The following CTNND2 variants were observed in gnomAD, a reference collection of about 807,000 sequenced individuals.
The protein encoded by CTNND2 is catenin delta-2.
A neutral mutation model predicts 144.4 loss-of-function variants in CTNND2; 22 were observed. That is an observed-to-expected ratio of 0.15 (90% confidence interval 0.11 to 0.22). The LOEUF (loss-of-function observed/expected upper bound fraction) is 0.22. Ranked by LOEUF, CTNND2 falls within the 10% of genes least tolerant of loss-of-function variation. The pLI is 1.00. For missense variants in CTNND2, 1,353 were observed against 1,618.8 expected (o/e 0.84, Z 2.82); for synonymous variants, 751 against 695.6 (o/e 1.08, Z -1.25).
chr5:10,995,521 G>C (rs550922462), intron 18 of CTNND2, among the ~76,000 whole-genome samples: 42 of 152,228 alleles, frequency 2.8e-4, no homozygotes, highest in South Asian at 6.2e-4. Context: ...AAGATAATGA[G>C]AATTGGTGAA....
At chr5:11,633,025 G>T (rs1458864136) in intron 2 of CTNND2, among the ~76,000 whole-genome samples, 1 of 152,142 alleles carries the variant, frequency 6.6e-6, no homozygotes, top group African/African-American at 2.4e-5. Context: ...ACACTAACAC[G>T]CATGTAATGG....
At chr5:11,147,438 G>A (rs1192098760) in intron 12 of CTNND2, among the ~76,000 whole-genome samples, 6 of 152,244 alleles carry the variant, frequency 3.9e-5, no homozygotes, top group African/African-American at 9.6e-5. Flanking sequence ...ATAGAACAAC[G>A]GAAAAGAGGC....
intron 1 of CTNND2, among the ~76,000 whole-genome samples, chr5:11,872,916 T>TACCATTCAGG (rs751519485): frequency 1.3e-5 from 2 of 152,120 alleles, no homozygotes; most frequent in Admixed American, 6.6e-5. Flanking sequence ...ACCTAGGCAA[T>TACCATTCAGG]ACCATTCAGG....
At chr5:11,591,316 C>A (rs185233596) in intron 2 of CTNND2, among the ~76,000 whole-genome samples, 5 of 152,268 alleles carry the variant, frequency 3.3e-5, no homozygotes, top group Admixed American at 3.3e-4. Flanking sequence ...CTGAAAACTG[C>A]AGAATAGAAT....
At chr5:11,277,271 T>C (rs887755688) in intron 9 of CTNND2, among the ~76,000 whole-genome samples, 1 of 152,014 alleles carries the variant, frequency 6.6e-6, no homozygotes, top group Non-Finnish European at 1.5e-5. Flanking sequence ...TTTGAAACTC[T>C]CCCTTTTACT....
intron 2 of CTNND2, among the ~76,000 whole-genome samples, chr5:11,584,425 T>TGG (rs202172529): frequency 1.3e-4 from 16 of 124,242 alleles, no homozygotes; most frequent in South Asian, 2.7e-4. Context: ...ATATTTTTTT[T>TGG]GGGGGGGGGG....
At chr5:11,546,899 AG>A (rs1231183996) in intron 3 of CTNND2, among the ~76,000 whole-genome samples, 5 of 152,218 alleles carry the variant, frequency 3.3e-5, no homozygotes, top group African/African-American at 1.2e-4. Flanking sequence ...AGCAGGTATT[AG>A]GAGAGCTACT....
At chr5:10,975,420 C>A (rs61752734) in intron 21 of CTNND2, among the ~76,000 whole-genome samples, 1 of 152,148 alleles carries the variant, frequency 6.6e-6, no homozygotes, top group East Asian at 1.9e-4. Flanking sequence ...ACATCAATAT[C>A]TATAATCTAT....
intron 9 of CTNND2, among the ~76,000 whole-genome samples, chr5:11,334,058 T>C (rs752238086): frequency 6.6e-6 from 1 of 152,204 alleles, no homozygotes; most frequent in Non-Finnish European, 1.5e-5. Context: ...ATTGCTACTT[T>C]GAAAAACTTG....
At chr5:11,577,671 C>A (rs1778071613) in intron 2 of CTNND2, among the ~76,000 whole-genome samples, 1 of 152,066 alleles carries the variant, frequency 6.6e-6, no homozygotes, top group Admixed American at 6.6e-5. Flanking sequence ...GGCAAATTTA[C>A]CATCAGGCAA....
chr5:11,806,212 CATA>C, intron 1 of CTNND2, among the ~76,000 whole-genome samples: 1 of 152,026 alleles, frequency 6.6e-6, no homozygotes, highest in Non-Finnish European at 1.5e-5. Context: ...ATACATGTGA[CATA>C]GTAATGTAAG....
intron 2 of CTNND2, among the ~76,000 whole-genome samples, chr5:11,603,732 A>G (rs937373908): frequency 1.3e-5 from 2 of 152,222 alleles, no homozygotes; most frequent in African/African-American, 4.8e-5. Flanking sequence ...ACAAATTACT[A>G]GAAGAATCTC....
At chr5:11,650,452 T>C (rs972514347) in intron 2 of CTNND2, among the ~76,000 whole-genome samples, 4 of 152,180 alleles carry the variant, frequency 2.6e-5, no homozygotes, top group Admixed American at 2.0e-4. Flanking sequence ...AAGTGGGGCA[T>C]TGCTATAAAG....
intron 1 of CTNND2, among the ~76,000 whole-genome samples, chr5:11,885,933 C>T (rs1215006512): frequency 6.6e-6 from 1 of 151,628 alleles, no homozygotes; most frequent in African/African-American, 2.4e-5. Flanking sequence ...ACCAACGGGT[C>T]GATACAGATT....
At chr5:11,240,166 ACCAACACACACACTCACACAC>A (rs1580679861) in intron 9 of CTNND2, among the ~76,000 whole-genome samples, 2 of 115,828 alleles carry the variant, frequency 1.7e-5, no homozygotes, top group East Asian at 2.6e-4. Flanking sequence ...TCACACACAC[ACCAACACACACACTCACACAC>A]CCAACACACA....
chr5:11,077,944 G>T (rs1426304988), intron 16 of CTNND2, among the ~76,000 whole-genome samples: 1 of 150,948 alleles, frequency 6.6e-6, no homozygotes, highest in East Asian at 2.1e-4. Flanking sequence ...CATTTTCTGG[G>T]GGAATACTAT....
At chr5:11,768,236 T>C (rs1011979015) in intron 1 of CTNND2, among the ~76,000 whole-genome samples, 2 of 152,106 alleles carry the variant, frequency 1.3e-5, no homozygotes, top group Non-Finnish European at 2.9e-5. Flanking sequence ...AAGGGGCACC[T>C]AGCACTCAGA....
chr5:11,333,699 G>A (rs1029420184), intron 9 of CTNND2, among the ~76,000 whole-genome samples: 51 of 152,174 alleles, frequency 3.4e-4, no homozygotes, highest in African/African-American at 1.1e-3. Context: ...GCTTCACCAC[G>A]TCTGGGAGCT....
At chr5:11,381,568 C>T (rs1242715543) in intron 7 of CTNND2, among the ~76,000 whole-genome samples, 2 of 152,202 alleles carry the variant, frequency 1.3e-5, no homozygotes, top group African/African-American at 4.8e-5. Context: ...ACCTTCTGCC[C>T]AGATAGTCAC....
Sources: gnomAD v4.1 joint callset for allele counts (sites outside exome capture counted in the v4.1 genomes callset) on GRCh38, gnomAD v4.1.1 for gene constraint, MANE v1.5 for transcripts, NCBI Gene and HGNC (gene_info 2026-07-23, HGNC 2026-07-21) for gene names.